Variants in ZNF146 observed in about 807,000 individuals in gnomAD.
ZNF146 encodes the protein zinc finger protein 146, also known as zinc finger protein OZF.
In ZNF146, 9 loss-of-function variants were observed where a neutral mutation model predicts 22.2. The ratio of observed to expected loss-of-function variants is 0.41; its 90% CI spans 0.24 to 0.71. The LOEUF (loss-of-function observed/expected upper bound fraction) is 0.71. Among genes scored for constraint, ZNF146 ranks in the 30% least tolerant of loss-of-function variants. The pLI, the probability that ZNF146 is intolerant of heterozygous loss-of-function variation, is 0.34. For missense variants in ZNF146, 194 were observed against 344.8 expected, an observed-to-expected ratio of 0.56 and a Z score of 3.46; for synonymous variants, 108 against 119.2, an observed-to-expected ratio of 0.91 and a Z score of 0.61.
chr19:36,219,984 C>G (rs1976767093), intron 2 of ZNF146, among the ~76,000 whole-genome samples: 1 of 152,082 alleles, frequency 6.6e-6, no homozygotes, highest in African/African-American at 2.4e-5. Flanking sequence ...GTATATTTAG[C>G]GTGTTCTAGA....
In ZNF146 at chr19:36,237,316, C is replaced by T. The variant is rs755222845; in HGVS notation, c.876C>T (p.His292=). 1.9e-6 allele frequency: 3 copies of T among 1,592,590 alleles called. No individual in the cohort carries two copies. The highest frequency in any genetic ancestry group is 3.6e-5 in the Admixed American group (2 of 56,288). ...HHIRHQKIHT[H] ...TTAGACACCAGAAAATTCATACTCA[C>T]TAAAAACCCCATGAAAGCCTTGAAA... Residue 292 remains histidine (H), a synonymous_variant, in exon 4 of 4, where the codon CAC becomes CAT. Coordinates refer to ENST00000443387, the MANE Select transcript of ZNF146 (RefSeq NM_007145.3).
rs368635383 is a variant in ZNF146 at position 36,236,230 on chromosome 19, A to C, written c.-211A>C. 19 of 537,118 alleles carry C rather than the reference A, an allele frequency of 3.5e-5. 1 individual carries two copies. Among genetic ancestry groups the C allele is most frequent in the African/African-American group, 2.2e-4 (11 of 51,142 alleles). The allele number at this position is 537,118 out of a possible 1,614,324, so 33.3% of individuals were successfully genotyped here. A position where few individuals can be genotyped will look rare whatever the true frequency, so the allele number is the denominator to read the frequency against. On this transcript the variant is annotated 5_prime_UTR_variant, in exon 4 of 4. Coordinates refer to ENST00000443387, the MANE Select transcript of ZNF146 (RefSeq NM_007145.3). The stretch of plus-strand genomic sequence containing the variant: ...AGCAATACTTCATTGAATATTAGAA[A>C]ATTTTTCTAGAGAGAAAGCATTGAA...
chr19:36,222,487 A>C (rs1297239662), intron 2 of ZNF146, among the ~76,000 whole-genome samples: 1 of 152,100 alleles, frequency 6.6e-6, no homozygotes, highest in African/African-American at 2.4e-5. Context: ...AAGTACTTAC[A>C]CTCCCACAAG....
rs1327243225 is a variant in ZNF146, at chr19:36,238,342, G to A, written c.*1023G>A. The stretch of plus-strand genomic sequence containing the variant: ...TACATGTTTTTGAAACGGATTGGAA[G>A]GATACAGACCAAACTCTTGATAGTG... On this transcript the variant is annotated 3_prime_UTR_variant, in exon 4 of 4. Transcript: ENST00000443387. 1 of 167,084 alleles carries A rather than the reference G, an allele frequency of 6.0e-6. No individual in the cohort carries two copies. The highest frequency in any genetic ancestry group is 2.4e-5 in the African/African-American group (1 of 41,458). 10.4% of individuals were successfully genotyped at this position (167,084 alleles called of 1,614,324 possible).
chr19:36,224,888 ATGTTT>A (rs1201216379), intron 2 of ZNF146, among the ~76,000 whole-genome samples: 1 of 151,794 alleles, frequency 6.6e-6, no homozygotes, highest in Non-Finnish European at 1.5e-5. Context: ...TTATTTCTGG[ATGTTT>A]TGTTTTATGT....
At chr19:36,225,752 CTTTTTTTTTT>C (rs67760026) in intron 2 of ZNF146, among the ~76,000 whole-genome samples, 6 of 66,724 alleles carry the variant, frequency 9.0e-5, no homozygotes, top group East Asian at 9.0e-4. Context: ...CTTTGTGATT[CTTTTTTTTTT>C]TTTTTTTTTT....
intron 2 of ZNF146, 188 bp from the exon 3 acceptor site, chr19:36,228,560 C>A (rs1568433156): frequency 6.6e-6 from 1 of 152,148 alleles, no homozygotes; most frequent in Non-Finnish European, 1.5e-5. Context: ...TGGCCCTAGT[C>A]CCTTTGCCCA....
At chr19:36,229,636 T>G (rs1977236088) in intron 3 of ZNF146, among the ~76,000 whole-genome samples, 1 of 152,250 alleles carries the variant, frequency 6.6e-6, no homozygotes, top group South Asian at 2.1e-4. Context: ...AATTTTTCCT[T>G]TTCATATAAA....
chr19:36,221,757 G>T (rs1291334109), intron 2 of ZNF146, among the ~76,000 whole-genome samples: 1 of 150,624 alleles, frequency 6.6e-6, no homozygotes, highest in African/African-American at 2.4e-5. Context: ...TTTGCTTCTT[G>T]TTTATCCTTC....
At chr19:36,232,590 C>T (rs4239585) in intron 3 of ZNF146, among the ~76,000 whole-genome samples, 1 of 150,728 alleles carries the variant, frequency 6.6e-6, no homozygotes, top group Non-Finnish European at 1.5e-5. Context: ...AAATACTGAT[C>T]AGTTCTTTTT....
At chr19:36,223,714 G>A (rs1231151513) in intron 2 of ZNF146, among the ~76,000 whole-genome samples, 3 of 151,030 alleles carry the variant, frequency 2.0e-5, no homozygotes, top group Admixed American at 6.6e-5. Flanking sequence ...AAGTTTCACC[G>A]ATATTTTCAA....
At chr19:36,216,784 A>T (rs770466686) in intron 1 of ZNF146, among the ~76,000 whole-genome samples, 1 of 151,758 alleles carries the variant, frequency 6.6e-6, no homozygotes, top group Non-Finnish European at 1.5e-5. Flanking sequence ...TGAGAAAGAA[A>T]AGGCGTTGAG....
intron 3 of ZNF146, among the ~76,000 whole-genome samples, chr19:36,233,997 C>G: frequency 6.6e-6 from 1 of 152,184 alleles, no homozygotes; most frequent in Non-Finnish European, 1.5e-5. Flanking sequence ...AAACCTTGGA[C>G]AATACCTGGC....
At chr19:36,233,085 C>T (rs1198958562) in intron 3 of ZNF146, among the ~76,000 whole-genome samples, 24 of 152,036 alleles carry the variant, frequency 1.6e-4, no homozygotes. Flanking sequence ...TATTTTCTAC[C>T]AAGAAAAGCA....
intron 2 of ZNF146, among the ~76,000 whole-genome samples, chr19:36,223,808 G>C (rs1472941312): frequency 6.6e-6 from 1 of 151,672 alleles, no homozygotes; most frequent in Non-Finnish European, 1.5e-5. Context: ...GTGCAGTGGC[G>C]TGATCACAGC....
intron 2 of ZNF146, among the ~76,000 whole-genome samples, chr19:36,219,758 G>GT (rs201128329): frequency 3.4e-4 from 51 of 150,914 alleles, no homozygotes; most frequent in Middle Eastern, 3.4e-3. Context: ...ATGATTTTCT[G>GT]TTTTTTTTGT....
intron 1 of ZNF146, among the ~76,000 whole-genome samples, chr19:36,216,656 A>G (rs776320303): frequency 2.0e-5 from 3 of 152,082 alleles, no homozygotes; most frequent in Admixed American, 6.6e-5. Context: ...ATTCCGTCTC[A>G]ATAATAGTAA....
rs1195364525 is a variant in ZNF146 at position 36,215,356 on chromosome 19, G to C, written c.-929+160G>C. 2.0e-5 allele frequency among the ~76,000 whole-genome samples: 3 copies of C among 152,154 alleles called. 1 individual carries two copies. Among genetic ancestry groups the C allele is most frequent in the African/African-American group, 7.2e-5 (3 of 41,434 alleles). On this transcript the variant is annotated intron_variant, in intron 1 of 3. Coordinates refer to ENST00000443387, the MANE Select transcript of ZNF146 (RefSeq NM_007145.3). ...CTCTGAGGCGGGTTTGAGCGAGTGT[G>C]ACCGAGTTTGTCCTCAAAGTTTGAC...
At chr19:36,219,759 T>G (rs1394825681) in intron 2 of ZNF146, among the ~76,000 whole-genome samples, 2 of 151,566 alleles carry the variant, frequency 1.3e-5, no homozygotes, top group Non-Finnish European at 2.9e-5. Flanking sequence ...TGATTTTCTG[T>G]TTTTTTTGTT....
Sources: allele counts gnomAD v4.1 joint callset (sites outside exome capture counted in the v4.1 genomes callset), GRCh38; gene constraint gnomAD v4.1.1; transcripts MANE v1.5; gene names NCBI Gene and HGNC (gene_info 2026-07-23, HGNC 2026-07-21).